The following BAX variants were observed in gnomAD, a reference collection of about 807,000 sequenced individuals.
The protein encoded by BAX is apoptosis regulator BAX.
BAX carries 21 observed loss-of-function variants against 26.8 expected under a neutral mutation model. The observed-to-expected ratio is 0.78, with a 90% CI of 0.56 to 1.13. BAX has a LOEUF of 1.13. Among genes scored for constraint, BAX ranks in the 50% most tolerant of loss-of-function variants. The probability of loss-of-function intolerance (pLI) is 0.00; values close to 1 mark genes in which losing one functional copy is unlikely to be tolerated. For synonymous variants in BAX, 110 were observed against 101.8 expected, an observed-to-expected ratio of 1.08 and a Z score of -0.49; for missense variants, 236 against 254.6, an observed-to-expected ratio of 0.93 and a Z score of 0.50.
Position 48,956,228 on chromosome 19 carries a change from C to T in BAX, c.264C>T (p.Pro88=), listed in dbSNP as rs374052135. Residue 88 remains proline (P), a synonymous_variant, in exon 4 of 6, where the codon CCC becomes CCT. Coordinates refer to ENST00000345358, the MANE Select transcript of BAX (RefSeq NM_138761.4). Reference sequence around the variant, plus strand: ...TTGCCGCCGTGGACACAGACTCCCCCCGAGAGGTCTTTTTCCGAGTGGCAG... The same window carrying T: ...TTGCCGCCGTGGACACAGACTCCCCTCGAGAGGTCTTTTTCCGAGTGGCAG... ...RMIAAVDTDS[P]REVFFRVAAD... 22 of 1,585,156 alleles carry T rather than the reference C, an allele frequency of 1.4e-5. No homozygotes were observed. The Admixed American group carries it at 3.4e-4, about 25-fold the overall frequency.
In BAX at chr19:48,956,065, G is replaced by A. The variant is rs996476447; in HGVS notation, c.234-133G>A. 19 of 1,254,440 alleles carry A rather than the reference G, an allele frequency of 1.5e-5. No individual in the cohort carries two copies. In the Admixed American group the frequency reaches 2.2e-4, roughly 14 times the overall value. The allele number at this position is 1,254,440 out of a possible 1,614,324, so 77.7% of individuals were successfully genotyped here. On this transcript the variant is annotated intron_variant, in intron 3 of 5. Coordinates refer to ENST00000345358, the MANE Select transcript of BAX (RefSeq NM_138761.4). ...GTCTTGTCCCCTTCCCTTGTCCCCC[G>A]TTGGCCTGTTGCTTTTCATTTCAGC... is the stretch of plus-strand genomic sequence containing the variant.
At chr19:48,960,612 C>G (rs2038318437) in intron 4 of BAX, among the ~76,000 whole-genome samples, 198 bp from the exon 5 acceptor site, 1 of 152,246 alleles carries the variant, frequency 6.6e-6, no homozygotes, top group Admixed American at 6.5e-5. Flanking sequence ...ATCCGCCTGC[C>G]TTGGCCTCCC....
intron 3 of BAX, 143 bp downstream of exon 3, chr19:48,955,976 CCT>C: frequency 8.5e-7 from 1 of 1,182,878 alleles, no homozygotes; most frequent in Non-Finnish European, 1.1e-6. Flanking sequence ...TCCCAGCCCT[CCT>C]CTCTGCCAGG....
intron 1 of BAX, 195 bp downstream of exon 1, chr19:48,955,157 C>A: frequency 4.6e-6 from 3 of 658,224 alleles, no homozygotes; most frequent in Non-Finnish European, 6.5e-6. Flanking sequence ...CCGATCCCTG[C>A]CTCTCTGGCG....
chr19:48,960,797 C>T lies in BAX; in HGVS notation c.370-13C>T, dbSNP rs1034046509. On this transcript the variant is annotated splice_polypyrimidine_tract_variant and intron_variant, in intron 4 of 5. Transcript: ENST00000345358. ...CAAGGTTCAGTCCCTAACGCCCACT[C>T]CACTCCCCACAGGCCCTGTGCACCA... 3 of 1,598,492 alleles carry T rather than the reference C, an allele frequency of 1.9e-6. No homozygotes were observed. The African/African-American group carries it at 4.0e-5, about 21-fold the overall frequency.
Position 48,954,910 on chromosome 19 carries a change from G to T in BAX, c.-19G>T, listed in dbSNP as rs930241245. On this transcript the variant is annotated 5_prime_UTR_variant, in exon 1 of 6. Transcript: ENST00000345358. Reference sequence around the variant, plus strand: ...CGCCCGCGCGGACCCGGCGAGAGGCGGCGGCGGGAGCGGCGGTGATGGACG... The same window carrying T: ...CGCCCGCGCGGACCCGGCGAGAGGCTGCGGCGGGAGCGGCGGTGATGGACG... 6.5e-6 allele frequency: 8 copies of T among 1,233,580 alleles called. No homozygotes were observed. Among genetic ancestry groups the T allele is most frequent in the African/African-American group, 4.6e-5 (3 of 64,524 alleles). The allele number at this position is 1,233,580 out of a possible 1,614,324, so 76.4% of individuals were successfully genotyped here. A position where few individuals can be genotyped will look rare whatever the true frequency, so the allele number is the denominator to read the frequency against.
intron 5 of BAX, 170 bp downstream of exon 5, chr19:48,961,084 C>A (rs780659742): frequency 6.3e-7 from 1 of 1,593,844 alleles, no homozygotes. Context: ...AATGCGTTTT[C>A]CTTACGTGTC....
chr19:48,958,206 A>G (rs2038213241), intron 4 of BAX, among the ~76,000 whole-genome samples: 1 of 151,652 alleles, frequency 6.6e-6, no homozygotes. Flanking sequence ...CTCTCGCCTC[A>G]GTCTCCAGAG....
chr19:48,959,002 A>C (rs947953211), intron 4 of BAX, among the ~76,000 whole-genome samples: 1 of 151,928 alleles, frequency 6.6e-6, no homozygotes, highest in African/African-American at 2.4e-5. Flanking sequence ...AAGTCTTGGG[A>C]GTTGGGAGAG....
At position 48,961,781 on chromosome 19, in the gene BAX, A is replaced by C; in HGVS notation, c.*145A>C. On this transcript the variant is annotated 3_prime_UTR_variant, in exon 6 of 6. Transcript: ENST00000345358. ...GAAGAGTGGTCTTGAGGGGGTAATA[A>C]ACCTCCTTCGGGACACACTTCGGCA... The C allele has an allele frequency of 1.4e-6, 1 of 726,966 alleles. No homozygotes were observed. Among genetic ancestry groups the C allele is most frequent in the Non-Finnish European group, 2.2e-6 (1 of 447,008 alleles). 45.0% of individuals were successfully genotyped at this position (726,966 alleles called of 1,614,324 possible).
In BAX at chr19:48,960,697, G is replaced by A. The variant is rs1198302400; in HGVS notation, c.370-113G>A. ...ATTTTTGAAGCCGACTTCAATTGTG[G>A]GTGGCAGAAATCTTTGAGGGGAGGC... On this transcript the variant is annotated intron_variant, in intron 4 of 5. Transcript: ENST00000345358. 3 of 950,276 alleles carry A rather than the reference G, an allele frequency of 3.2e-6. No homozygotes were observed. In the East Asian group the frequency reaches 7.3e-5, roughly 23 times the overall value. 58.9% of individuals were successfully genotyped at this position (950,276 alleles called of 1,614,324 possible).
rs2038091990 is a variant in BAX, at chr19:48,955,584, C to T, written c.71C>T (p.Ala24Val). Residue 24 changes from alanine to valine, a missense_variant, in exon 2 of 6, where the codon GCC (alanine) becomes GTC (valine). Ala to Val is a moderately conservative substitution (Grantham distance 64). Transcript: ENST00000345358. ...TSSEQIMKTGALLLQGFIQDR... is the reference protein window; with the variant it reads ...TSSEQIMKTGVLLLQGFIQDR... ...TCTGAGCAGATCATGAAGACAGGGG[C>T]CCTTTTGCTTCAGGGGTGAGTTTGA... 6.2e-7 allele frequency: 1 copy of T among 1,613,812 alleles called. No homozygotes were observed. Among genetic ancestry groups the T allele is most frequent in the African/African-American group, 1.3e-5 (1 of 74,906 alleles).
rs374052135 is a variant in BAX at position 48,956,228 on chromosome 19, C to G, written c.264C>G (p.Pro88=). 117 of 1,585,154 alleles carry G rather than the reference C, an allele frequency of 7.4e-5. No homozygotes were observed. Among genetic ancestry groups the G allele is most frequent in the Non-Finnish European group, 9.5e-5 (111 of 1,165,970 alleles). Residue 88 remains proline, a synonymous_variant, in exon 4 of 6, where the codon CCC becomes CCG. Coordinates refer to ENST00000345358, the MANE Select transcript of BAX (RefSeq NM_138761.4). ...TTGCCGCCGTGGACACAGACTCCCCCCGAGAGGTCTTTTTCCGAGTGGCAG... is the reference window on the plus strand; with the variant it reads ...TTGCCGCCGTGGACACAGACTCCCCGCGAGAGGTCTTTTTCCGAGTGGCAG... ...RMIAAVDTDS[P]REVFFRVAAD... is the part of the protein sequence containing the mutation.
chr19:48,955,222 C>T (rs1009428176), intron 1 of BAX: 4 of 433,138 alleles, frequency 9.2e-6, no homozygotes, highest in Non-Finnish European at 1.5e-5. Flanking sequence ...CGGGCAGGCC[C>T]GGGCTTGTCG....
intron 4 of BAX, among the ~76,000 whole-genome samples, chr19:48,957,294 A>G (rs2038179843): frequency 1.2e-4 from 1 of 8,052 alleles, no homozygotes; most frequent in East Asian, 6.3e-3. Context: ...TTTTTTTTTG[A>G]GACAGAGTCT....
chr19:48,956,514 TA>T (rs2038139606), intron 4 of BAX, among the ~76,000 whole-genome samples, 181 bp downstream of exon 4: 2 of 152,168 alleles, frequency 1.3e-5, no homozygotes, highest in Non-Finnish European at 2.9e-5. Flanking sequence ...CTGGACCTGC[TA>T]TGTGCCAGGC....
At chr19:48,955,981 C>G in intron 3 of BAX, 148 bp downstream of exon 3, 1 of 1,164,434 alleles carries the variant, frequency 8.6e-7, no homozygotes, top group Non-Finnish European at 1.2e-6. Context: ...GCCCTCCTCT[C>G]TGCCAGGATC....
Position 48,955,736 on chromosome 19 carries a change from G to A in BAX, c.136G>A (p.Ala46Thr), listed in dbSNP as rs1324504320. The change falls in exon 3 of 6, where the codon GCC (alanine) becomes ACC (threonine). Residue 46 changes from alanine (A) to threonine (T), a missense_variant. Ala to Thr is a moderately conservative substitution (Grantham distance 58, BLOSUM62 0). Coordinates refer to ENST00000345358, the MANE Select transcript of BAX (RefSeq NM_138761.4). ...AATGGGGGGGGAGGCACCCGAGCTG[G>A]CCCTGGACCCGGTGCCTCAGGATGC... ...GRMGGEAPELALDPVPQDAST... is the reference protein window; with the variant it reads ...GRMGGEAPELTLDPVPQDAST... 1 of 1,613,348 alleles carries A rather than the reference G, an allele frequency of 6.2e-7. No individual in the cohort carries two copies. The highest frequency in any genetic ancestry group is 2.2e-5 in the East Asian group (1 of 44,856).
At position 48,956,326 on chromosome 19, in the gene BAX, T is replaced by C. The variant is rs2038132434; in HGVS notation, c.362T>C (p.Val121Ala). ...CTTTTCTACTTTGCCAGCAAACTGG[T>C]GCTCAAGGTGGGCAGCTGCAGGGCA... ...VALFYFASKL[V>A]LKALCTKVPE... Residue 121 changes from valine to alanine, a missense_variant, in exon 4 of 6, where the codon GTG becomes GCG. Val to Ala is a moderately conservative substitution (Grantham distance 64). Transcript: ENST00000345358. 1 of 1,566,658 alleles carries C rather than the reference T, an allele frequency of 6.4e-7. No homozygotes were observed. Among genetic ancestry groups the C allele is most frequent in the Admixed American group, 1.9e-5 (1 of 52,390 alleles).
Sources: allele counts gnomAD v4.1 joint callset (sites outside exome capture counted in the v4.1 genomes callset), GRCh38; gene constraint gnomAD v4.1.1; transcripts MANE v1.5; gene names NCBI Gene and HGNC (gene_info 2026-07-23, HGNC 2026-07-21).